FRAS1: variants seen among roughly 807,000 people sequenced by gnomAD.
FRAS1 encodes the protein Fraser extracellular matrix complex subunit 1, also known as extracellular matrix organizing protein FRAS1.
In FRAS1, 290 loss-of-function variants were observed where a neutral mutation model predicts 435.2. The ratio of observed to expected loss-of-function variants is 0.67; its 90% confidence interval spans 0.61 to 0.73. The LOEUF is 0.73. FRAS1 is among the 30% of genes least tolerant of loss of function. FRAS1 has a pLI of 0.00. For missense variants in FRAS1, 4,860 were observed against 5,001.5 expected, an observed-to-expected ratio of 0.97 and a Z score of 0.85; for synonymous variants, 1,800 against 1,851.0, an observed-to-expected ratio of 0.97 and a Z score of 0.71.
chr4:78,271,123 C>T (rs1726654020), intron 9 of FRAS1, among the ~76,000 whole-genome samples: 2 of 152,070 alleles, frequency 1.3e-5, no homozygotes, highest in South Asian at 4.2e-4. Flanking sequence ...TAATATTTGT[C>T]ATTAGTATAG....
At chr4:78,449,775 G>A (rs1348854378) in intron 44 of FRAS1, among the ~76,000 whole-genome samples, 1 of 152,190 alleles carries the variant, frequency 6.6e-6, no homozygotes, top group East Asian at 1.9e-4. Flanking sequence ...TCTCAAGACA[G>A]TAAGTAAACT....
chr4:78,193,296 G>A (rs1216402503), intron 2 of FRAS1, among the ~76,000 whole-genome samples: 1 of 152,182 alleles, frequency 6.6e-6, no homozygotes, highest in Non-Finnish European at 1.5e-5. Flanking sequence ...TCTGCTTGGT[G>A]CAGAGCTGAG....
intron 2 of FRAS1, among the ~76,000 whole-genome samples, chr4:78,167,958 A>G (rs1721401697): frequency 6.6e-6 from 1 of 151,798 alleles, no homozygotes; most frequent in Non-Finnish European, 1.5e-5. Flanking sequence ...TTCTTATATA[A>G]TTTTATGTTC....
chr4:78,464,305 A>G (rs1474226649), intron 48 of FRAS1, 138 bp from the exon 49 acceptor site: 3 of 1,393,518 alleles, frequency 2.2e-6, no homozygotes, highest in African/African-American at 2.9e-5. Context: ...CTCTTGCCCA[A>G]GAGGACTCAC....
intron 2 of FRAS1, among the ~76,000 whole-genome samples, chr4:78,112,544 A>G (rs1013020293): frequency 6.6e-6 from 1 of 152,110 alleles, no homozygotes; most frequent in Non-Finnish European, 1.5e-5. Flanking sequence ...GCAAATCATT[A>G]ATATTTTGAA....
intron 2 of FRAS1, among the ~76,000 whole-genome samples, chr4:78,215,297 C>T (rs926460180): frequency 5.9e-5 from 9 of 151,972 alleles, no homozygotes; most frequent in East Asian, 1.9e-4. Flanking sequence ...CTGGGTTCAA[C>T]GAATTCTTCT....
chr4:78,510,769 A>G (rs533355474), intron 63 of FRAS1, among the ~76,000 whole-genome samples: 1 of 152,200 alleles, frequency 6.6e-6, no homozygotes, highest in Non-Finnish European at 1.5e-5. Context: ...CCTGCATGTT[A>G]TTATAACCCT....
At chr4:78,141,128 G>T (rs1323995338) in intron 2 of FRAS1, among the ~76,000 whole-genome samples, 2 of 152,006 alleles carry the variant, frequency 1.3e-5, no homozygotes, top group Non-Finnish European at 1.5e-5. Flanking sequence ...CATGTGCCAT[G>T]GTGGTTTGCT....
chr4:78,362,791 G>C (rs1193472269), intron 20 of FRAS1, among the ~76,000 whole-genome samples: 1 of 152,194 alleles, frequency 6.6e-6, no homozygotes, highest in Non-Finnish European at 1.5e-5. Context: ...AGAAGGACAG[G>C]TCGTCTTTCC....
chr4:78,150,085 G>A (rs1361273042), intron 2 of FRAS1, among the ~76,000 whole-genome samples: 5 of 152,170 alleles, frequency 3.3e-5, no homozygotes, highest in Non-Finnish European at 2.9e-5. Context: ...AATGCTGCTC[G>A]TTCTCTTTTT....
chr4:78,102,195 T>C (rs1401898432), intron 2 of FRAS1, among the ~76,000 whole-genome samples: 1 of 152,156 alleles, frequency 6.6e-6, no homozygotes, highest in Non-Finnish European at 1.5e-5. Flanking sequence ...GTTGAACATG[T>C]TTTCTTAGAG....
At chr4:78,519,864 G>A (rs1250460589) in intron 67 of FRAS1, among the ~76,000 whole-genome samples, 1 of 152,128 alleles carries the variant, frequency 6.6e-6, no homozygotes, top group South Asian at 2.1e-4. Context: ...TCAGATGCAA[G>A]GAAATGGAAA....
Position 78,369,957 on chromosome 4 carries a change from C to A in FRAS1, c.2842C>A (p.Leu948Ile). Residue 948 changes from leucine to isoleucine, a missense_variant, in exon 23 of 74, where the codon CTT (leucine) becomes ATT (isoleucine). Transcript: ENST00000512123. ...CGAGAGCTGCGCCCCACAGTACTAT[C>A]TTGACTTCTCCACCAACACGTGCAA... ...QYESCAPQYY[L>I]DFSTNTCKEC... 3 of 1,613,612 alleles carry A rather than the reference C, an allele frequency of 1.9e-6. No individual in the cohort carries two copies. The highest frequency in any genetic ancestry group is 2.5e-6 in the Non-Finnish European group (3 of 1,179,642).
At chr4:78,425,118 A>AATG (rs920207893) in intron 35 of FRAS1, among the ~76,000 whole-genome samples, 1 of 150,616 alleles carries the variant, frequency 6.6e-6, no homozygotes, top group Non-Finnish European at 1.5e-5. Flanking sequence ...TAATAATAAT[A>AATG]ATAATAATAA....
At chr4:78,139,191 T>C (rs1720053909) in intron 2 of FRAS1, among the ~76,000 whole-genome samples, 1 of 152,168 alleles carries the variant, frequency 6.6e-6, no homozygotes, top group Non-Finnish European at 1.5e-5. Flanking sequence ...AGCGCCAGCC[T>C]TGGGCAGGCT....
intron 20 of FRAS1, among the ~76,000 whole-genome samples, chr4:78,345,980 C>A (rs1442309990): frequency 6.6e-6 from 1 of 152,136 alleles, no homozygotes; most frequent in Non-Finnish European, 1.5e-5. Flanking sequence ...GCTTGTAAAA[C>A]CTCCCAACAA....
At chr4:78,531,048 C>T (rs1173714037) in intron 70 of FRAS1, among the ~76,000 whole-genome samples, 1 of 152,110 alleles carries the variant, frequency 6.6e-6, no homozygotes, top group Non-Finnish European at 1.5e-5. Flanking sequence ...TTAAAGAGGT[C>T]CTTCACATCC....
At position 78,400,841 on chromosome 4, in the gene FRAS1, T is replaced by A; in HGVS notation, c.4083T>A (p.Ser1361Arg). 6.2e-7 allele frequency: 1 copy of A among 1,613,790 alleles called. No individual in the cohort carries two copies. Residue 1361 changes from serine (S) to arginine (R), a missense_variant, in exon 30 of 74, where the codon AGT becomes AGA. Physicochemically the swap from Ser to Arg is moderately radical, Grantham distance 110. Transcript: ENST00000512123. The stretch of plus-strand genomic sequence containing the variant: ...TACAGGCCGAGGCTCCTGGTGCCAG[T>A]GCTGAAGAAATCATCTACAAGATTA... ...RILQAEAPGA[S>R]AEEIIYKITQ...
intron 20 of FRAS1, among the ~76,000 whole-genome samples, chr4:78,360,257 A>C (rs1263460065): frequency 1.3e-5 from 2 of 152,210 alleles, no homozygotes; most frequent in Non-Finnish European, 2.9e-5. Context: ...AGAGGAGGCC[A>C]TTAAATCTGG....
Sources: allele counts gnomAD v4.1 joint callset (sites outside exome capture counted in the v4.1 genomes callset), GRCh38; gene constraint gnomAD v4.1.1; transcripts MANE v1.5; gene names NCBI Gene and HGNC (gene_info 2026-07-23, HGNC 2026-07-21).